XKR5: variants seen among roughly 807,000 people sequenced by gnomAD.
XKR5 encodes XK related 5.
Under a neutral mutation model 40.8 loss-of-function variants are expected in XKR5, and 46 were observed. The ratio of observed to expected loss-of-function variants is 1.13; its 90% CI spans 0.89 to 1.44. The LOEUF (loss-of-function observed/expected upper bound fraction) is 1.44. Ranked by LOEUF, XKR5 falls within the 40% of genes most tolerant of loss-of-function variation. The pLI, the probability that XKR5 is intolerant of heterozygous loss-of-function variation, is 0.00. For synonymous variants in XKR5, 466 were observed against 356.1 expected (o/e 1.31, Z -3.48); for missense variants, 1,169 against 844.7 (o/e 1.38, Z -4.76).
chr8:6,823,589 A>C lies in XKR5; in HGVS notation c.569T>G (p.Leu190Trp). 6.3e-7 allele frequency: 1 copy of C among 1,597,060 alleles called. No homozygotes were observed. The highest frequency in any genetic ancestry group is 8.5e-7 in the Non-Finnish European group (1 of 1,171,824). The change falls in exon 4 of 7, where the codon TTG (leucine) becomes TGG (tryptophan). Residue 190 changes from leucine to tryptophan, a missense_variant. Leu to Trp is a moderately conservative substitution (Grantham distance 61). Transcript: ENST00000618742. ...FCQQLWRMGMLGTRVLSLVLF... is the reference protein window; with the variant it reads ...FCQQLWRMGMWGTRVLSLVLF... The stretch of plus-strand genomic sequence containing the variant: ...AACCAGACTCAGCACGCGGGTTCCC[A>C]ACATGCCCATCCTCCAGAGCTGCTG...
At chr8:6,827,211 C>A (rs1289524334) in intron 2 of XKR5, among the ~76,000 whole-genome samples, 2 of 152,172 alleles carry the variant, frequency 1.3e-5, no homozygotes, top group Non-Finnish European at 2.9e-5. Flanking sequence ...TACCTAGCAG[C>A]AGCAATAAGG....
At chr8:6,832,953 G>T (rs1368395478) in intron 1 of XKR5, 53 bp from the exon 2 acceptor site, 5 of 1,426,002 alleles carry the variant, frequency 3.5e-6, no homozygotes, top group South Asian at 1.5e-5. Context: ...GAGTGAGACT[G>T]GGTACCTGCA....
chr8:6,828,402 G>A (rs1030509758), intron 2 of XKR5, among the ~76,000 whole-genome samples: 5 of 152,156 alleles, frequency 3.3e-5, no homozygotes, highest in Non-Finnish European at 7.3e-5. Context: ...TTGGTAAGGC[G>A]GGGGCCAGGA....
Position 6,811,128 on chromosome 8 carries a change from T to C in XKR5, c.*70A>G. On this transcript the variant is annotated 3_prime_UTR_variant, in exon 7 of 7. Coordinates refer to ENST00000618742, the MANE Select transcript of XKR5 (RefSeq NM_207411.5). ...AGGACACAGGTGTCAGAAGTGGGAT[T>C]TCCTTTCTCACGGTACCAAATGGCC... 7.0e-7 allele frequency: 1 copy of C among 1,429,120 alleles called. No individual in the cohort carries two copies. The highest frequency in any genetic ancestry group is 9.3e-7 in the Non-Finnish European group (1 of 1,079,348). The allele number at this position is 1,429,120 out of a possible 1,614,324, so 88.5% of individuals were successfully genotyped here.
At position 6,811,597 on chromosome 8, in the gene XKR5, T is replaced by C; in HGVS notation, c.1662A>G (p.Ser554=). Reference sequence around the variant, plus strand: ...GAGTAGCTGGGCTGCCTTCTTGTTGTGAGGATGTGGCCACTTCTGCAGTGG... The same window carrying C: ...GAGTAGCTGGGCTGCCTTCTTGTTGCGAGGATGTGGCCACTTCTGCAGTGG... ...FSATAEVATS[S]QQEGSPATLQ... The change falls in exon 7 of 7, where the codon TCA becomes TCG. Residue 554 remains serine (S), a synonymous_variant. Coordinates refer to ENST00000618742, the MANE Select transcript of XKR5 (RefSeq NM_207411.5). The C allele has an allele frequency of 6.5e-7, 1 of 1,537,412 alleles. No individual in the cohort carries two copies. The highest frequency in any genetic ancestry group is 1.2e-5 in the South Asian group (1 of 84,058).
At chr8:6,832,959 C>A in intron 1 of XKR5, 59 bp from the exon 2 acceptor site, 1 of 1,400,446 alleles carries the variant, frequency 7.1e-7, no homozygotes, top group Non-Finnish European at 9.4e-7. Context: ...GACTGGGTAC[C>A]TGCATTTTAA....
chr8:6,832,567 A>T lies in XKR5; in HGVS notation c.242+150T>A, dbSNP rs562622281. 2.3e-5 allele frequency: 21 copies of T among 906,822 alleles called. No individual in the cohort carries two copies. The South Asian group carries it at 3.7e-4, about 16-fold the overall frequency. The allele number at this position is 906,822 out of a possible 1,614,324, so 56.2% of individuals were successfully genotyped here. ...GCAGGCTGGACCCGGGCATGCCAAT[A>T]TCAGAGCAGGGGTTTGCTGTGGCCG... On this transcript the variant is annotated intron_variant, in intron 2 of 6. Transcript: ENST00000618742.
At chr8:6,831,347 G>C (rs1804754099) in intron 2 of XKR5, among the ~76,000 whole-genome samples, 1 of 152,206 alleles carries the variant, frequency 6.6e-6, no homozygotes, top group African/African-American at 2.4e-5. Flanking sequence ...CCGAGCTTTT[G>C]GCAAAATGCC....
chr8:6,826,197 CAT>C (rs562965888), intron 2 of XKR5, among the ~76,000 whole-genome samples: 211 of 152,056 alleles, frequency 1.4e-3, no homozygotes, highest in Non-Finnish European at 1.3e-3. Context: ...GTGTGCAAAA[CAT>C]ATGCATATGT....
chr8:6,815,308 T>C (rs1008778107), intron 6 of XKR5, among the ~76,000 whole-genome samples: 2 of 152,172 alleles, frequency 1.3e-5, no homozygotes, highest in Non-Finnish European at 2.9e-5. Flanking sequence ...AGGCCTGTGC[T>C]CAGGCCTGCA....
intron 2 of XKR5, 42 bp downstream of exon 2, chr8:6,832,675 G>C (rs1468880815): frequency 1.9e-6 from 3 of 1,606,416 alleles, no homozygotes; most frequent in African/African-American, 2.7e-5. Flanking sequence ...CACTGCACTT[G>C]TGCAATTGTG....
chr8:6,814,207 G>T (rs1291064973), intron 6 of XKR5, among the ~76,000 whole-genome samples: 3 of 152,178 alleles, frequency 2.0e-5, no homozygotes, highest in African/African-American at 7.2e-5. Flanking sequence ...TCAATGCTCT[G>T]CGATTCAAAT....
chr8:6,823,478 T>G, intron 4 of XKR5, 43 bp downstream of exon 4: 1 of 1,546,330 alleles, frequency 6.5e-7, no homozygotes, highest in Non-Finnish European at 8.8e-7. Context: ...CTGGGTTGAT[T>G]GGTTATGCAG....
intron 6 of XKR5, among the ~76,000 whole-genome samples, chr8:6,813,405 G>T (rs1328680426): frequency 6.6e-6 from 1 of 152,204 alleles, no homozygotes; most frequent in Non-Finnish European, 1.5e-5. Flanking sequence ...GATCACAGAA[G>T]TCCTGGGCAC....
In XKR5 at chr8:6,824,505, A is replaced by C. The variant is rs1308943740; in HGVS notation, c.427+660T>G. On this transcript the variant is annotated intron_variant, in intron 3 of 6. Coordinates refer to ENST00000618742, the MANE Select transcript of XKR5 (RefSeq NM_207411.5). ...AGTTTCCACATGGCTTTGAAGGTATAAGCCTCTGGCTTTGTTAAGAATTAT... is the reference window on the plus strand; with the variant it reads ...AGTTTCCACATGGCTTTGAAGGTATCAGCCTCTGGCTTTGTTAAGAATTAT... Among the ~76,000 whole-genome samples the C allele has an allele frequency of 1.3e-5, 2 of 152,096 alleles. 1 individual carries two copies. Among genetic ancestry groups the C allele is most frequent in the East Asian group, 3.8e-4 (2 of 5,198 alleles).
At chr8:6,815,704 G>A (rs945274238) in intron 6 of XKR5, 103 bp downstream of exon 6, 4 of 779,760 alleles carry the variant, frequency 5.1e-6, no homozygotes, top group Non-Finnish European at 8.3e-6. Context: ...TTGGTCTCCA[G>A]TTAACCACAT....
Position 6,832,799 on chromosome 8 carries a change from A to G in XKR5, c.160T>C (p.Tyr54His), listed in dbSNP as rs1284855061. Reference sequence around the variant, plus strand: ...TGCCCGTCTGCTCGGAACCACAGGTAGCTCAGGGCCTGGACCAAGAACCCG... The same window carrying G: ...TGCCCGTCTGCTCGGAACCACAGGTGGCTCAGGGCCTGGACCAAGAACCCG... ...LPGFLVQALS[Y>H]LWFRADGHPG... is the part of the protein sequence containing the mutation. Residue 54 changes from tyrosine to histidine, a missense_variant, in exon 2 of 7, where the codon TAC becomes CAC. Tyr to His is a moderately conservative substitution (Grantham distance 83). Transcript: ENST00000618742. The G allele has an allele frequency of 3.7e-6, 6 of 1,613,236 alleles. No homozygotes were observed. In the Admixed American group the frequency reaches 8.3e-5, roughly 22 times the overall value.
In XKR5 at chr8:6,811,732, C is replaced by A; in HGVS notation, c.1527G>T (p.Glu509Asp). The A allele has an allele frequency of 2.0e-6, 3 of 1,537,586 alleles. No homozygotes were observed. The highest frequency in any genetic ancestry group is 2.6e-6 in the Non-Finnish European group (3 of 1,147,006). The change falls in exon 7 of 7, where the codon GAG (glutamate) becomes GAT (aspartate). Residue 509 changes from glutamate (E) to aspartate (D), a missense_variant. By Grantham distance (45) the Glu-to-Asp change is conservative. Transcript: ENST00000618742. ...CGTCAGCTCCTTCCTTTGGGGTGCC[C>A]TCCCCCTGCGTGGCTGCTGGGTTCT... ...PTQNPAATQG[E>D]GTPKEGADAV...
chr8:6,825,830 C>T (rs1483109656), intron 2 of XKR5, among the ~76,000 whole-genome samples: 4 of 152,124 alleles, frequency 2.6e-5, no homozygotes, highest in Non-Finnish European at 5.9e-5. Context: ...CTCTGTGCTG[C>T]GAAAACTGGG....
Sources: gnomAD v4.1 joint callset for allele counts (sites outside exome capture counted in the v4.1 genomes callset) on GRCh38, gnomAD v4.1.1 for gene constraint, MANE v1.5 for transcripts, NCBI Gene and HGNC (gene_info 2026-07-23, HGNC 2026-07-21) for gene names.